Variants in TNS3 observed in about 807,000 individuals in gnomAD.
TNS3 encodes the protein tensin 3, also known as tensin-3.
In TNS3, 45 loss-of-function variants were observed where a neutral mutation model predicts 140.9. The ratio of observed to expected loss-of-function variants is 0.32; its 90% CI spans 0.25 to 0.41. The LOEUF (loss-of-function observed/expected upper bound fraction) is 0.41, where lower values mean the gene tolerates loss of function less well. Ranked by LOEUF, TNS3 falls within the 10% of genes least tolerant of loss-of-function variation. TNS3 has a pLI of 1.00. For synonymous variants in TNS3, 815 were observed against 788.4 expected, an observed-to-expected ratio of 1.03 and a Z score of -0.56; for missense variants, 1,716 against 1,906.7, an observed-to-expected ratio of 0.90 and a Z score of 1.86.
At chr7:47,518,907 C>T (rs990804057) in intron 2 of TNS3, among the ~76,000 whole-genome samples, 1 of 152,190 alleles carries the variant, frequency 6.6e-6, no homozygotes, top group Non-Finnish European at 1.5e-5. Flanking sequence ...AACCTTTGAG[C>T]CTCTCAGAAA....
At chr7:47,302,323 G>T (rs1265510559) in intron 22 of TNS3, 51 bp from the exon 23 acceptor site, 3 of 1,420,174 alleles carry the variant, frequency 2.1e-6, no homozygotes, top group Admixed American at 1.7e-5. Context: ...TTTTCTTCTT[G>T]CAACCTCTCA....
At chr7:47,538,551 G>C (rs185645040) in intron 1 of TNS3, among the ~76,000 whole-genome samples, 86 of 152,314 alleles carry the variant, frequency 5.6e-4, no homozygotes, top group Non-Finnish European at 7.5e-4. Flanking sequence ...GGGCTAAGTC[G>C]TGGCCTTTAT....
chr7:47,451,565 A>G lies in TNS3; in HGVS notation c.-75-9510T>C, dbSNP rs976829882. ...CACTGCACTCCAGCCTGGGCAACAG[A>G]GCGAGACTCCATCTCCAATAAATAA... On this transcript the variant is annotated intron_variant, in intron 4 of 30. Transcript: ENST00000311160. 3.3e-5 allele frequency among the ~76,000 whole-genome samples: 5 copies of G among 152,194 alleles called. 1 individual carries two copies. In the South Asian group the frequency reaches 6.2e-4, roughly 19 times the overall value.
intron 3 of TNS3, among the ~76,000 whole-genome samples, chr7:47,498,524 A>C (rs1798097159): frequency 6.6e-6 from 1 of 152,250 alleles, no homozygotes; most frequent in Admixed American, 6.5e-5. Context: ...CTGTTACAAC[A>C]CAATGTGGAA....
In TNS3 at chr7:47,314,895, A is replaced by G. The variant is rs187153623; in HGVS notation, c.2651-9892T>C. Among the ~76,000 whole-genome samples, 53 of 152,350 alleles carry G rather than the reference A, an allele frequency of 3.5e-4. 1 individual carries two copies. The highest frequency in any genetic ancestry group is 1.2e-3 in the African/African-American group (50 of 41,586). ...GTCTCTCTGCTTCAGAGGTGGAGAC[A>G]TAAGGGCACCACAGTGAGCATAATG... On this transcript the variant is annotated intron_variant, in intron 20 of 30. Transcript: ENST00000311160.
In TNS3 at chr7:47,566,310, C is replaced by G. The variant is rs576046359; in HGVS notation, c.-265+15741G>C. 1.6e-4 allele frequency among the ~76,000 whole-genome samples: 24 copies of G among 152,342 alleles called. No individual in the cohort carries two copies. In the South Asian group the frequency reaches 2.1e-3, roughly 13 times the overall value. On this transcript the variant is annotated intron_variant, in intron 1 of 30. Coordinates refer to ENST00000311160, the MANE Select transcript of TNS3 (RefSeq NM_022748.12). The stretch of plus-strand genomic sequence containing the variant: ...ATCTATCATTTGGCAGTGATGGCAG[C>G]CACATTCACGTTTCCACTGCAGTTA...
chr7:47,322,039 A>G (rs778857785), intron 20 of TNS3, among the ~76,000 whole-genome samples: 49 of 152,154 alleles, frequency 3.2e-4, no homozygotes, highest in South Asian at 1.2e-3. Flanking sequence ...GGCATTCTAC[A>G]AAAAGATTAA....
At chr7:47,493,009 GT>G (rs950768443) in intron 3 of TNS3, among the ~76,000 whole-genome samples, 1 of 152,226 alleles carries the variant, frequency 6.6e-6, no homozygotes, top group Non-Finnish European at 1.5e-5. Context: ...GGCATCTGAG[GT>G]TTCCATATGA....
intron 1 of TNS3, among the ~76,000 whole-genome samples, chr7:47,538,425 G>C (rs1243501296): frequency 6.6e-6 from 1 of 152,100 alleles, no homozygotes; most frequent in Admixed American, 6.5e-5. Flanking sequence ...TTCACTCCAG[G>C]CCCAGCCTAG....
At chr7:47,556,897 G>C (rs998548983) in intron 1 of TNS3, 17 of 388,680 alleles carry the variant, frequency 4.4e-5, no homozygotes, top group Admixed American at 8.8e-5. Flanking sequence ...GATTCTCAAT[G>C]CAACGGTGCT....
At chr7:47,574,938 G>A (rs1800642968) in intron 1 of TNS3, among the ~76,000 whole-genome samples, 1 of 152,048 alleles carries the variant, frequency 6.6e-6, no homozygotes, top group Admixed American at 6.6e-5. Context: ...GCTGGAGGGT[G>A]GTGATGGCTG....
chr7:47,343,354 T>C (rs1035292943), intron 20 of TNS3, among the ~76,000 whole-genome samples: 2 of 152,214 alleles, frequency 1.3e-5, no homozygotes, highest in African/African-American at 2.4e-5. Flanking sequence ...ACAGTGATCT[T>C]AGAGGCCTCC....
intron 1 of TNS3, among the ~76,000 whole-genome samples, chr7:47,544,147 T>G (rs1377034016): frequency 6.6e-6 from 1 of 151,848 alleles, no homozygotes; most frequent in Non-Finnish European, 1.5e-5. Context: ...CCCCTCCAGC[T>G]AAGTCCCTGG....
chr7:47,399,307 A>G (rs1301896570), intron 15 of TNS3, among the ~76,000 whole-genome samples: 1 of 152,154 alleles, frequency 6.6e-6, no homozygotes, highest in Non-Finnish European at 1.5e-5. Flanking sequence ...ATCATTCTTC[A>G]CGAAATTGGA....
chr7:47,278,296 G>A (rs578251948), intron 30 of TNS3, 76 bp from the exon 31 acceptor site: 39 of 1,510,096 alleles, frequency 2.6e-5, no homozygotes, highest in Middle Eastern at 2.3e-4. Context: ...AGCTGCCAGC[G>A]GCACTGTCAG....
chr7:47,322,038 C>CA (rs1787765233), intron 20 of TNS3, among the ~76,000 whole-genome samples: 1 of 151,988 alleles, frequency 6.6e-6, no homozygotes, highest in South Asian at 2.1e-4. Context: ...TGGCATTCTA[C>CA]AAAAAGATTA....
intron 17 of TNS3, among the ~76,000 whole-genome samples, chr7:47,350,269 G>C (rs571743653): frequency 6.6e-6 from 1 of 152,102 alleles, no homozygotes; most frequent in African/African-American, 2.4e-5. Flanking sequence ...TCTTCCTCCC[G>C]GACATGTCCT....
chr7:47,375,746 A>G (rs987431799), intron 16 of TNS3, among the ~76,000 whole-genome samples: 10 of 152,228 alleles, frequency 6.6e-5, no homozygotes, highest in African/African-American at 2.4e-4. Flanking sequence ...TAACAATCAG[A>G]TAGCCAAAGG....
intron 1 of TNS3, among the ~76,000 whole-genome samples, chr7:47,563,344 C>T (rs1004967798): frequency 6.6e-6 from 1 of 152,240 alleles, no homozygotes; most frequent in Non-Finnish European, 1.5e-5. Flanking sequence ...CTTTCACGAA[C>T]GTCTCCTGGG....
Sources: gnomAD v4.1 joint callset for allele counts (sites outside exome capture counted in the v4.1 genomes callset) on GRCh38, gnomAD v4.1.1 for gene constraint, MANE v1.5 for transcripts, NCBI Gene and HGNC (gene_info 2026-07-23, HGNC 2026-07-21) for gene names.